The following PTPRD variants were observed in gnomAD, a reference collection of about 807,000 sequenced individuals.
The protein encoded by PTPRD is receptor-type tyrosine-protein phosphatase delta.
A neutral mutation model predicts 214.5 loss-of-function variants in PTPRD; 34 were observed. That is an observed-to-expected ratio of 0.16 (90% CI 0.12 to 0.21). The LOEUF (loss-of-function observed/expected upper bound fraction) is 0.21, where lower values mean the gene tolerates loss of function less well. Ranked by LOEUF, PTPRD falls within the 10% of genes least tolerant of loss-of-function variation. PTPRD has a pLI of 1.00. For synonymous variants in PTPRD, 1,128 were observed against 845.7 expected, an observed-to-expected ratio of 1.33 and a Z score of -5.79; for missense variants, 2,545 against 2,398.7, an observed-to-expected ratio of 1.06 and a Z score of -1.27.
At chr9:9,243,770 G>A (rs577532707) in intron 9 of PTPRD, among the ~76,000 whole-genome samples, 1 of 152,260 alleles carries the variant, frequency 6.6e-6, no homozygotes, top group African/African-American at 2.4e-5. Context: ...ATTCAACATA[G>A]TGTTGGAAGT....
At chr9:8,419,234 T>TAAAAA (rs367987989) in intron 35 of PTPRD, among the ~76,000 whole-genome samples, 2 of 99,606 alleles carry the variant, frequency 2.0e-5, no homozygotes, top group South Asian at 3.0e-4. Flanking sequence ...TCCAAAAAAT[T>TAAAAA]AAAAAAAAAA....
rs546099683 is a variant in PTPRD at position 10,134,454 on chromosome 9, G to A, written c.-544-100664C>T. ...GCAAATGTGTTAAAATACAAAACAG[G>A]CAGGCAGCTATGTAAATGCCTAACT... is the stretch of plus-strand genomic sequence containing the variant. On this transcript the variant is annotated intron_variant, in intron 3 of 45. Transcript: ENST00000381196. Among the ~76,000 whole-genome samples, 7 of 152,222 alleles carry A rather than the reference G, an allele frequency of 4.6e-5. No individual in the cohort carries two copies. In the East Asian group the frequency reaches 1.4e-3, roughly 29 times the overall value.
chr9:8,375,869 A>T (rs2083090189), intron 39 of PTPRD, 67 bp downstream of exon 39: 1 of 1,535,624 alleles, frequency 6.5e-7, no homozygotes, highest in Non-Finnish European at 8.8e-7. Context: ...AAGAAGTTGC[A>T]GAAACATCCA....
intron 2 of PTPRD, among the ~76,000 whole-genome samples, chr9:10,349,108 C>G (rs1245213814): frequency 6.6e-6 from 1 of 151,960 alleles, no homozygotes; most frequent in East Asian, 1.9e-4. Context: ...AATTCAGACT[C>G]ACTGAGCAGG....
chr9:10,399,929 T>C (rs982038145), intron 2 of PTPRD, among the ~76,000 whole-genome samples: 2 of 151,814 alleles, frequency 1.3e-5, no homozygotes, highest in African/African-American at 2.4e-5. Context: ...ATTTTAAAGA[T>C]GTTATATTTA....
At chr9:8,713,781 G>T (rs917242130) in intron 12 of PTPRD, 263 of 1,538,708 alleles carry the variant, frequency 1.7e-4, no homozygotes, top group Non-Finnish European at 2.2e-4. Context: ...TGCCCCACCG[G>T]GTCCTGCGCC....
At chr9:8,718,595 G>C (rs1160490761) in intron 12 of PTPRD, among the ~76,000 whole-genome samples, 3 of 152,126 alleles carry the variant, frequency 2.0e-5, no homozygotes, top group East Asian at 3.9e-4. Flanking sequence ...TTAACTATTA[G>C]TCATTTTCCT....
chr9:10,130,237 G>C (rs1323491316), intron 3 of PTPRD, among the ~76,000 whole-genome samples: 1 of 150,170 alleles, frequency 6.7e-6, no homozygotes, highest in Non-Finnish European at 1.5e-5. Context: ...AATTGAGATA[G>C]CTTATTCAAC....
intron 10 of PTPRD, among the ~76,000 whole-genome samples, chr9:9,177,776 T>C (rs1055053319): frequency 4.6e-5 from 7 of 152,152 alleles, no homozygotes; most frequent in African/African-American, 1.7e-4. Context: ...GTAGTCCCTA[T>C]AAAAATGGCT....
intron 2 of PTPRD, among the ~76,000 whole-genome samples, chr9:10,465,482 T>G (rs1375614941): frequency 6.6e-6 from 1 of 152,162 alleles, no homozygotes; most frequent in Non-Finnish European, 1.5e-5. Context: ...AGTGTCGTCA[T>G]GTGCCACATG....
intron 3 of PTPRD, among the ~76,000 whole-genome samples, chr9:10,102,626 T>C (rs950092450): frequency 1.3e-5 from 2 of 151,576 alleles, no homozygotes; most frequent in African/African-American, 4.8e-5. Context: ...TGCACAATTT[T>C]AGCCTCTGGA....
At chr9:9,296,536 C>A (rs1953119935) in intron 9 of PTPRD, among the ~76,000 whole-genome samples, 2 of 151,758 alleles carry the variant, frequency 1.3e-5, no homozygotes, top group African/African-American at 4.8e-5. Flanking sequence ...TCCTCCTCCT[C>A]CTCCACCTTG....
chr9:9,863,264 G>A (rs1371735480), intron 5 of PTPRD, among the ~76,000 whole-genome samples: 1 of 152,146 alleles, frequency 6.6e-6, no homozygotes, highest in African/African-American at 2.4e-5. Context: ...AAGTGGTGCA[G>A]GGGAGTTGGA....
intron 4 of PTPRD, among the ~76,000 whole-genome samples, chr9:10,006,629 C>A (rs1465498869): frequency 6.6e-6 from 1 of 151,826 alleles, no homozygotes; most frequent in Non-Finnish European, 1.5e-5. Flanking sequence ...GGGTGTGTCC[C>A]TATGTCAGGT....
At chr9:10,520,406 G>C (rs558721638) in intron 2 of PTPRD, among the ~76,000 whole-genome samples, 1 of 152,228 alleles carries the variant, frequency 6.6e-6, no homozygotes, top group African/African-American at 2.4e-5. Context: ...CTTGAAACTA[G>C]CAGAGGTTGG....
chr9:8,397,212 G>A (rs2091398929), intron 36 of PTPRD, among the ~76,000 whole-genome samples: 1 of 152,066 alleles, frequency 6.6e-6, no homozygotes. Flanking sequence ...AAACAAACAT[G>A]AGGTGCCAAC....
intron 3 of PTPRD, among the ~76,000 whole-genome samples, chr9:10,325,213 C>T (rs967222852): frequency 6.6e-6 from 1 of 151,866 alleles, no homozygotes; most frequent in African/African-American, 2.4e-5. Flanking sequence ...GTGAGGTGGG[C>T]CTAAGACTCT....
chr9:9,342,824 T>C lies in PTPRD; in HGVS notation c.-203+54625A>G, dbSNP rs1010027876. The stretch of plus-strand genomic sequence containing the variant: ...TTGCTGCACCCATCAACCCGTCATC[T>C]ACATTAGGCATTTCTTCTAATGCTA... On this transcript the variant is annotated intron_variant, in intron 9 of 45. Coordinates refer to ENST00000381196, the MANE Select transcript of PTPRD (RefSeq NM_002839.4). 5.9e-5 allele frequency among the ~76,000 whole-genome samples: 9 copies of C among 152,090 alleles called. No homozygotes were observed. In the East Asian group the frequency reaches 9.7e-4, roughly 16 times the overall value.
At chr9:8,478,321 A>T (rs963434136) in intron 30 of PTPRD, among the ~76,000 whole-genome samples, 8 of 152,218 alleles carry the variant, frequency 5.3e-5, no homozygotes, top group Non-Finnish European at 1.2e-4. Context: ...AAATCTTATG[A>T]AGCAACACTG....
Sources: allele counts gnomAD v4.1 joint callset (sites outside exome capture counted in the v4.1 genomes callset), GRCh38; gene constraint gnomAD v4.1.1; transcripts MANE v1.5; gene names NCBI Gene and HGNC (gene_info 2026-07-23, HGNC 2026-07-21).